The following TEX14 variants were observed in gnomAD, a reference collection of about 807,000 sequenced individuals.
The protein encoded by TEX14 is inactive serine/threonine-protein kinase TEX14.
TEX14 carries 168 observed loss-of-function variants against 178.6 expected under a neutral mutation model. That is an observed-to-expected ratio of 0.94 (90% confidence interval 0.83 to 1.07). The LOEUF is 1.07. Ranked by LOEUF, TEX14 falls within the 50% of genes least tolerant of loss-of-function variation. The pLI, the probability that TEX14 is intolerant of heterozygous loss-of-function variation, is 0.00. For synonymous variants in TEX14, 626 were observed against 634.1 expected, an observed-to-expected ratio of 0.99 and a Z score of 0.19; for missense variants, 1,730 against 1,753.6, an observed-to-expected ratio of 0.99 and a Z score of 0.24.
intron 2 of TEX14, among the ~76,000 whole-genome samples, chr17:58,649,507 C>T (rs1340781105): frequency 6.6e-6 from 1 of 152,184 alleles, no homozygotes; most frequent in Non-Finnish European, 1.5e-5. Flanking sequence ...TTCCCAGACA[C>T]AGATGAAGTC....
intron 13 of TEX14, among the ~76,000 whole-genome samples, chr17:58,600,262 G>A (rs1216543179): frequency 6.6e-6 from 1 of 152,146 alleles, no homozygotes; most frequent in African/African-American, 2.4e-5. Context: ...GGTGGTTCAC[G>A]CCTGTAATCC....
intron 10 of TEX14, 105 bp from the exon 11 acceptor site, chr17:58,605,234 C>G (rs1021344398): frequency 1.5e-6 from 2 of 1,371,196 alleles, no homozygotes; most frequent in Admixed American, 4.6e-5. Flanking sequence ...CCCTGTCACC[C>G]AGGCTGGAAA....
In TEX14 at chr17:58,557,057, T is replaced by C. The variant is rs371920400; in HGVS notation, c.4320-10A>G. 91 of 1,613,188 alleles carry C rather than the reference T, an allele frequency of 5.6e-5. No individual in the cohort carries two copies. The highest frequency in any genetic ancestry group is 7.5e-5 in the Non-Finnish European group (88 of 1,179,200). On this transcript the variant is annotated splice_polypyrimidine_tract_variant and intron_variant, in intron 31 of 31. Transcript: ENST00000349033. The stretch of plus-strand genomic sequence containing the variant: ...ATCCAGCACGATTATCCTATGCACA[T>C]GTTTTTTAAAGAACAAAAAAGGAAG...
intron 1 of TEX14, among the ~76,000 whole-genome samples, chr17:58,674,331 T>G (rs1433474670): frequency 6.6e-6 from 1 of 151,440 alleles, no homozygotes; most frequent in East Asian, 1.9e-4. Flanking sequence ...AAACTAATCC[T>G]ATTGAACCCA....
intron 1 of TEX14, among the ~76,000 whole-genome samples, chr17:58,653,946 C>A (rs1255121661): frequency 6.6e-6 from 1 of 152,154 alleles, no homozygotes; most frequent in East Asian, 1.9e-4. Context: ...CTTTGGGAGG[C>A]CGAGGCGGGC....
At chr17:58,588,168 C>T in intron 15 of TEX14, 147 bp from the exon 16 acceptor site, 1 of 604,960 alleles carries the variant, frequency 1.7e-6, no homozygotes, top group Non-Finnish European at 3.0e-6. Flanking sequence ...AGACACAATC[C>T]CTGGGCTGTT....
intron 2 of TEX14, among the ~76,000 whole-genome samples, chr17:58,643,874 C>CAAAAAAAAAAAAA (rs71143262): frequency 9.8e-5 from 2 of 20,512 alleles, no homozygotes; most frequent in African/African-American, 2.0e-4. Flanking sequence ...GACTCTGTCT[C>CAAAAAAAAAAAAA]AAAAAAAAAA....
intron 14 of TEX14, among the ~76,000 whole-genome samples, chr17:58,597,540 T>G (rs1466725680): frequency 6.6e-6 from 1 of 152,172 alleles, no homozygotes; most frequent in Non-Finnish European, 1.5e-5. Flanking sequence ...AGTAATAACA[T>G]CCGCCTTCCA....
Position 58,674,808 on chromosome 17 carries a change from A to G in TEX14, c.-2+17131T>C, listed in dbSNP as rs1156859226. Among the ~76,000 whole-genome samples, 4 of 152,052 alleles carry G rather than the reference A, an allele frequency of 2.6e-5. No individual in the cohort carries two copies. The South Asian group carries it at 8.3e-4, about 32-fold the overall frequency. On this transcript the variant is annotated intron_variant, in intron 1 of 31. Transcript: ENST00000349033. Reference sequence around the variant, plus strand: ...ATCCTTCAATAAAGTGGTTAAAAAAAAAAAAAGATTTATCTTCGATGAGGC... The same window carrying G: ...ATCCTTCAATAAAGTGGTTAAAAAAGAAAAAAGATTTATCTTCGATGAGGC...
chr17:58,640,946 C>T (rs1016722981), intron 2 of TEX14, among the ~76,000 whole-genome samples: 1 of 152,068 alleles, frequency 6.6e-6, no homozygotes, highest in Non-Finnish European at 1.5e-5. Flanking sequence ...TCTCGACCTT[C>T]TCAGCTCAAC....
intron 10 of TEX14, among the ~76,000 whole-genome samples, chr17:58,609,983 G>T (rs1415971568): frequency 6.6e-6 from 1 of 152,234 alleles, no homozygotes; most frequent in Non-Finnish European, 1.5e-5. Context: ...TAGGCAAGGG[G>T]TCTGCCCAGT....
At chr17:58,576,173 T>G (rs1377468867) in intron 21 of TEX14, among the ~76,000 whole-genome samples, 2 of 152,252 alleles carry the variant, frequency 1.3e-5, no homozygotes, top group Non-Finnish European at 1.5e-5. Flanking sequence ...AATTGTAGAT[T>G]CACATGCAAT....
intron 1 of TEX14, among the ~76,000 whole-genome samples, chr17:58,658,934 C>T (rs1403422139): frequency 6.6e-6 from 1 of 151,660 alleles, no homozygotes; most frequent in Non-Finnish European, 1.5e-5. Flanking sequence ...GAGTAGCTAG[C>T]ACAGGTGCGT....
intron 2 of TEX14, among the ~76,000 whole-genome samples, chr17:58,639,460 G>A (rs1206229971): frequency 5.9e-5 from 9 of 152,054 alleles, no homozygotes; most frequent in Non-Finnish European, 1.3e-4. Flanking sequence ...CAGCACTTTG[G>A]GAGGCCAAGG....
At chr17:58,583,394 G>A (rs1456191448) in intron 19 of TEX14, among the ~76,000 whole-genome samples, 1 of 152,124 alleles carries the variant, frequency 6.6e-6, no homozygotes, top group African/African-American at 2.4e-5. Flanking sequence ...GCCTCCCAAA[G>A]GGCTGGGATT....
Position 58,613,406 on chromosome 17 carries a change from GA to G in TEX14, c.1005+14del. 6.2e-7 allele frequency: 1 copy of G among 1,613,836 alleles called. No homozygotes were observed. Among genetic ancestry groups the G allele is most frequent in the Non-Finnish European group, 8.5e-7 (1 of 1,179,842 alleles). On this transcript the variant is annotated intron_variant, in intron 9 of 31. Transcript: ENST00000349033. ...GGAGGTCAGCAATGGAAAATCCACG[GA>G]AACAGCAGTTTACTCGTTCATGAAG... is the stretch of plus-strand genomic sequence containing the variant.
intron 1 of TEX14, among the ~76,000 whole-genome samples, chr17:58,662,415 T>TCTCA (rs376916506): frequency 6.6e-4 from 76 of 114,994 alleles, no homozygotes; most frequent in African/African-American, 1.8e-3. Context: ...CACACATATC[T>TCTCA]CACACACACA....
At chr17:58,565,070 G>T in intron 27 of TEX14, 102 bp from the exon 28 acceptor site, 1 of 650,942 alleles carries the variant, frequency 1.5e-6, no homozygotes, top group Non-Finnish European at 2.6e-6. Context: ...AGTGGTCCCT[G>T]AAGTGTGCAA....
intron 1 of TEX14, among the ~76,000 whole-genome samples, chr17:58,687,998 T>C (rs1271834903): frequency 1.3e-5 from 2 of 152,244 alleles, no homozygotes; most frequent in Non-Finnish European, 2.9e-5. Context: ...TTTAGTGATC[T>C]AGTCTTCAGA....
Sources: allele counts gnomAD v4.1 joint callset (sites outside exome capture counted in the v4.1 genomes callset), GRCh38; gene constraint gnomAD v4.1.1; transcripts MANE v1.5; gene names NCBI Gene and HGNC (gene_info 2026-07-23, HGNC 2026-07-21).